The following MEGF11 variants were observed in gnomAD, a reference collection of about 807,000 sequenced individuals.
The protein encoded by MEGF11 is multiple EGF like domains 11, also known as multiple epidermal growth factor-like domains protein 11.
Under a neutral mutation model 146.6 loss-of-function variants are expected in MEGF11, and 126 were observed. The observed-to-expected ratio is 0.86, with a 90% CI of 0.74 to 1.00. The LOEUF is 1.00. MEGF11 is among the 50% of genes least tolerant of loss of function. MEGF11 has a pLI of 0.00. For synonymous variants in MEGF11, 532 were observed against 583.4 expected (o/e 0.91, Z 1.27); for missense variants, 1,509 against 1,521.2 (o/e 0.99, Z 0.13).
intron 9 of MEGF11, 124 bp from the exon 10 acceptor site, chr15:65,957,845 T>C: frequency 1.2e-6 from 1 of 818,274 alleles, no homozygotes; most frequent in Non-Finnish European, 1.9e-6. Flanking sequence ...TGGGATTAAA[T>C]TGCTCAATGC....
At chr15:66,048,028 C>T (rs1426633359) in intron 5 of MEGF11, among the ~76,000 whole-genome samples, 1 of 152,008 alleles carries the variant, frequency 6.6e-6, no homozygotes, top group Non-Finnish European at 1.5e-5. Context: ...TCACTGCAAC[C>T]TCTGCCTCCT....
intron 2 of MEGF11, among the ~76,000 whole-genome samples, chr15:66,127,114 T>C (rs1253971523): frequency 1.3e-5 from 2 of 152,196 alleles, no homozygotes; most frequent in Admixed American, 6.5e-5. Context: ...CTCCCCACTT[T>C]ACAGAGGTGG....
intron 5 of MEGF11, among the ~76,000 whole-genome samples, chr15:66,056,271 T>C (rs2084670559): frequency 7.2e-6 from 1 of 138,824 alleles, no homozygotes; most frequent in Non-Finnish European, 1.5e-5. Flanking sequence ...GGAGGGGCTG[T>C]AGAGGGGGCA....
intron 22 of MEGF11, 93 bp from the exon 23 acceptor site, chr15:65,909,228 A>C (rs1470917717): frequency 1.1e-6 from 1 of 885,898 alleles, no homozygotes; most frequent in South Asian, 1.4e-5. Context: ...GGCCAGGGTC[A>C]GGGTGAGGCA....
intron 10 of MEGF11, among the ~76,000 whole-genome samples, chr15:65,938,237 G>A (rs545009371): frequency 1.3e-5 from 2 of 152,252 alleles, no homozygotes; most frequent in African/African-American, 4.8e-5. Context: ...GTAAACTGAG[G>A]CCAAAAAAGG....
chr15:65,939,201 C>G (rs889267169), intron 10 of MEGF11, among the ~76,000 whole-genome samples: 1 of 152,202 alleles, frequency 6.6e-6, no homozygotes, highest in Non-Finnish European at 1.5e-5. Context: ...GGGAGCTCAG[C>G]AGAGATCACT....
intron 4 of MEGF11, among the ~76,000 whole-genome samples, chr15:66,099,912 G>A (rs2086716206): frequency 1.3e-5 from 2 of 152,078 alleles, no homozygotes. Flanking sequence ...AGTGGGGAAG[G>A]AGACACAGTC....
chr15:66,219,073 T>C (rs2091665817), intron 1 of MEGF11, among the ~76,000 whole-genome samples: 1 of 150,016 alleles, frequency 6.7e-6, no homozygotes, highest in African/African-American at 2.5e-5. Flanking sequence ...GTAATGTTTA[T>C]ATATTTAAAT....
Position 65,898,804 on chromosome 15 carries a change from C to T in MEGF11, c.3186G>A (p.Lys1062=), listed in dbSNP as rs866887270. 1 of 1,613,978 alleles carries T rather than the reference C, an allele frequency of 6.2e-7. No homozygotes were observed. The highest frequency in any genetic ancestry group is 8.5e-7 in the Non-Finnish European group (1 of 1,179,874). The part of the protein sequence containing the change: ...KLPESSYVEM[K]SPVHMGSPYT... Reference sequence around the variant, plus strand: ...ACGGAGACCCCATGTGCACAGGCGACTTCATTTCTACATAGCTGCTTTCTG... The same window carrying T: ...ACGGAGACCCCATGTGCACAGGCGATTTCATTTCTACATAGCTGCTTTCTG... The change falls in exon 25 of 26, where the codon AAG becomes AAA. Residue 1062 remains lysine (K), a synonymous_variant. Transcript: ENST00000395614.
At chr15:65,926,760 A>C (rs1458127917) in intron 13 of MEGF11, among the ~76,000 whole-genome samples, 2 of 152,254 alleles carry the variant, frequency 1.3e-5, no homozygotes, top group Non-Finnish European at 2.9e-5. Flanking sequence ...TGGTTCACCA[A>C]AGACAGAATT....
intron 1 of MEGF11, among the ~76,000 whole-genome samples, chr15:66,222,521 T>C (rs955569110): frequency 6.6e-6 from 1 of 152,196 alleles, no homozygotes; most frequent in Non-Finnish European, 1.5e-5. Flanking sequence ...TGTGTTTGTC[T>C]TGTGTTCGTC....
intron 10 of MEGF11, among the ~76,000 whole-genome samples, chr15:65,949,384 A>G (rs2080310206): frequency 6.6e-6 from 1 of 152,222 alleles, no homozygotes; most frequent in Admixed American, 6.5e-5. Context: ...GCACAGAGAA[A>G]GGTGAGAAAA....
chr15:65,911,525 C>G (rs2078806926), intron 21 of MEGF11, among the ~76,000 whole-genome samples: 1 of 152,204 alleles, frequency 6.6e-6, no homozygotes, highest in South Asian at 2.1e-4. Flanking sequence ...GATCCTCCTG[C>G]CTCAGCCTCG....
At chr15:65,901,176 G>A (rs894504980) in intron 24 of MEGF11, among the ~76,000 whole-genome samples, 2 of 152,174 alleles carry the variant, frequency 1.3e-5, no homozygotes, top group Non-Finnish European at 2.9e-5. Flanking sequence ...GTGGTGGTAA[G>A]TCCAAGAACC....
intron 22 of MEGF11, 27 bp downstream of exon 22, chr15:65,909,709 TGGTG>T: frequency 6.5e-7 from 1 of 1,541,914 alleles, no homozygotes; most frequent in Non-Finnish European, 8.7e-7. Context: ...TGGGACATGA[TGGTG>T]GGGACCAGAC....
At chr15:66,034,866 C>T (rs1381423479) in intron 5 of MEGF11, among the ~76,000 whole-genome samples, 1 of 152,186 alleles carries the variant, frequency 6.6e-6, no homozygotes, top group Non-Finnish European at 1.5e-5. Flanking sequence ...ATTCATGTCA[C>T]TGTTACAGGA....
chr15:66,178,338 G>T (rs1336507415), intron 1 of MEGF11, among the ~76,000 whole-genome samples: 1 of 152,096 alleles, frequency 6.6e-6, no homozygotes, highest in Non-Finnish European at 1.5e-5. Context: ...AACCAAACAG[G>T]CCAGAGAAGG....
intron 1 of MEGF11, among the ~76,000 whole-genome samples, chr15:66,134,731 A>T (rs2088813818): frequency 6.6e-6 from 1 of 152,224 alleles, no homozygotes; most frequent in Non-Finnish European, 1.5e-5. Flanking sequence ...GCGCTGAGGG[A>T]GGGAGCCCTC....
chr15:66,083,844 G>C (rs2085994642), intron 5 of MEGF11, among the ~76,000 whole-genome samples: 1 of 152,164 alleles, frequency 6.6e-6, no homozygotes, highest in African/African-American at 2.4e-5. Context: ...TTGAGCCTGG[G>C]AGATCAAGGC....
Sources: gnomAD v4.1 joint callset for allele counts (sites outside exome capture counted in the v4.1 genomes callset) on GRCh38, gnomAD v4.1.1 for gene constraint, MANE v1.5 for transcripts, NCBI Gene and HGNC (gene_info 2026-07-23, HGNC 2026-07-21) for gene names.